The following OPLAH variants were observed in gnomAD, a reference collection of about 807,000 sequenced individuals.
The protein encoded by OPLAH is 5-oxoprolinase.
A neutral mutation model predicts 122.8 loss-of-function variants in OPLAH; 103 were observed. The observed-to-expected ratio is 0.84, with a 90% CI of 0.71 to 0.99. The LOEUF is 0.99. Among genes scored for constraint, OPLAH ranks in the 50% least tolerant of loss-of-function variants. The pLI is 0.00. For synonymous variants in OPLAH, 875 were observed against 796.0 expected, an observed-to-expected ratio of 1.10 and a Z score of -1.67; for missense variants, 1,902 against 1,836.5, an observed-to-expected ratio of 1.04 and a Z score of -0.65.
chr8:144,051,892 C>T (rs1554757741), intron 25 of OPLAH, 24 bp downstream of exon 25: 2 of 1,528,260 alleles, frequency 1.3e-6, no homozygotes, highest in Non-Finnish European at 1.7e-6. Context: ...CGGGGAGGGC[C>T]GCGAGGGCTG....
chr8:144,051,025 G>T, downstream of OPLAH: 1 of 1,212,550 alleles, frequency 8.2e-7, no homozygotes, highest in Non-Finnish European at 1.0e-6. Flanking sequence ...TGGAGAGGTC[G>T]GCGCCTGGAC....
chr8:144,054,329 T>C (rs1835456164), intron 19 of OPLAH, among the ~76,000 whole-genome samples: 1 of 152,062 alleles, frequency 6.6e-6, no homozygotes, highest in South Asian at 2.1e-4. Context: ...CTTGGCTAAC[T>C]CTCCACCCGC....
In OPLAH at chr8:144,052,329, G is replaced by C. The variant is rs367840187; in HGVS notation, c.3304-3C>G. Reference sequence around the variant, plus strand: ...AGGGTCACGTTGTTCATGCAGCCCTGGTGAGGGCACCTGGTCGCTGCGCTG... The same window carrying C: ...AGGGTCACGTTGTTCATGCAGCCCTCGTGAGGGCACCTGGTCGCTGCGCTG... On this transcript the variant is annotated splice_polypyrimidine_tract_variant and splice_region_variant and intron_variant, in intron 23 of 26. Coordinates refer to ENST00000618853, the MANE Select transcript of OPLAH (RefSeq NM_017570.5). 1 of 1,519,122 alleles carries C rather than the reference G, an allele frequency of 6.6e-7. No individual in the cohort carries two copies. Among genetic ancestry groups the C allele is most frequent in the South Asian group, 1.2e-5 (1 of 82,272 alleles). The allele number at this position is 1,519,122 out of a possible 1,614,324, so 94.1% of individuals were successfully genotyped here.
intron 19 of OPLAH, among the ~76,000 whole-genome samples, 187 bp from the exon 20 acceptor site, chr8:144,053,580 G>A (rs1835441622): frequency 6.6e-6 from 1 of 152,100 alleles, no homozygotes; most frequent in Admixed American, 6.5e-5. Context: ...GCAGCCACAA[G>A]GCCCTCTGCA....
Position 144,052,414 on chromosome 8 carries a change from T to A in OPLAH, c.3303+35A>T, listed in dbSNP as rs1422863456. ...CTCCTACTCCAGCCTGCCCACCCAG[T>A]CCGCCCCCGAGCTGCGCCCACCCCG... On this transcript the variant is annotated intron_variant, in intron 23 of 26. Transcript: ENST00000618853. 4.6e-6 allele frequency: 7 copies of A among 1,527,878 alleles called. No individual in the cohort carries two copies. The African/African-American group carries it at 9.7e-5, about 21-fold the overall frequency. 94.6% of individuals were successfully genotyped at this position (1,527,878 alleles called of 1,614,324 possible). A position where few individuals can be genotyped will look rare whatever the true frequency, so the allele number is the denominator to read the frequency against.
intron 10 of OPLAH, 38 bp from the exon 11 acceptor site, chr8:144,057,358 T>TA: frequency 6.3e-7 from 1 of 1,588,840 alleles, no homozygotes; most frequent in Non-Finnish European, 8.6e-7. Flanking sequence ...TCTCCTACTC[T>TA]ACCCCATCCA....
At chr8:144,057,735 G>A (rs782675368) in intron 9 of OPLAH, 22 bp from the exon 10 acceptor site, 2 of 1,610,488 alleles carry the variant, frequency 1.2e-6, no homozygotes, top group Non-Finnish European at 1.7e-6. Flanking sequence ...ACAGGGTGTG[G>A]GGCTTGGGGG....
Position 144,056,275 on chromosome 8 carries a change from G to A in OPLAH, c.1984-16C>T. ...ACTGGGTCATCTGCAGAGGGTGCGG[G>A]TGAGTACAGCGCCCGGGCCCAGCAC... is the stretch of plus-strand genomic sequence containing the variant. On this transcript the variant is annotated splice_polypyrimidine_tract_variant and intron_variant, in intron 14 of 26. Transcript: ENST00000618853. 6.2e-7 allele frequency: 1 copy of A among 1,607,060 alleles called. No individual in the cohort carries two copies. Among genetic ancestry groups the A allele is most frequent in the Non-Finnish European group, 8.5e-7 (1 of 1,175,202 alleles).
rs781996183 is a variant in OPLAH at position 144,051,277 on chromosome 8, G to C, written c.*49C>G. The C allele has an allele frequency of 2.7e-5, 43 of 1,605,150 alleles. No homozygotes were observed. Among genetic ancestry groups the C allele is most frequent in the Non-Finnish European group, 3.4e-5 (40 of 1,177,190 alleles). ...CTCGGAGCACGAACTAGGCGCCGTA[G>C]CTGCGTCCCCAGAACCGGGAGACTT... On this transcript the variant is annotated 3_prime_UTR_variant, in exon 27 of 27. Coordinates refer to ENST00000618853, the MANE Select transcript of OPLAH (RefSeq NM_017570.5).
downstream of OPLAH, chr8:144,050,603 G>A: frequency 1.0e-6 from 1 of 985,650 alleles, no homozygotes; most frequent in Non-Finnish European, 1.2e-6. Context: ...GGCTGGGCAC[G>A]CGCCAAAAGC....
intron 3 of OPLAH, 31 bp downstream of exon 3, chr8:144,059,568 C>G: frequency 1.3e-6 from 2 of 1,578,168 alleles, no homozygotes; most frequent in Non-Finnish European, 1.7e-6. Context: ...GTACACCACA[C>G]AGCCTGGTCC....
chr8:144,052,786 G>T lies in OPLAH; in HGVS notation c.3133C>A (p.Arg1045Ser). 1 of 1,565,284 alleles carries T rather than the reference G, an allele frequency of 6.4e-7. No homozygotes were observed. The highest frequency in any genetic ancestry group is 8.6e-7 in the Non-Finnish European group (1 of 1,156,204). Reference sequence around the variant, plus strand: ...CGAACCTGGTTGAGTGGGATGTCGCGGCCCACCAGACAGCGCAGGCAGTAG... The same window carrying T: ...CGAACCTGGTTGAGTGGGATGTCGCTGCCCACCAGACAGCGCAGGCAGTAG... ...LIYCLRCLVGRDIPLNQGCLA... is the reference protein window; with the variant it reads ...LIYCLRCLVGSDIPLNQGCLA... The change falls in exon 22 of 27, where the codon CGC becomes AGC. Residue 1045 changes from arginine to serine, a missense_variant. Around this residue, in one of 3 missense-constraint regions of OPLAH, gnomAD observed 1,726 missense variants for 1,642.1 expected, o/e 1.05. Transcript: ENST00000618853.
intron 26 of OPLAH, 122 bp downstream of exon 26, chr8:144,051,607 C>T: frequency 8.5e-7 from 1 of 1,173,130 alleles, no homozygotes; most frequent in African/African-American, 1.6e-5. Context: ...GTACGCGCCC[C>T]CTTTCCTTCC....
rs782033745 is a variant in OPLAH at position 144,058,779 on chromosome 8, G to A, written c.581C>T (p.Ser194Leu). The A allele has an allele frequency of 1.1e-5, 17 of 1,601,326 alleles. No individual in the cohort carries two copies. Among genetic ancestry groups the A allele is most frequent in the South Asian group, 1.1e-5 (1 of 89,938 alleles). ...IRSLAVVLMH[S>L]YTWAQHEQQV... The stretch of plus-strand genomic sequence containing the variant: ...ACAGCCCCACCTCACTCACGTGTAC[G>A]AGTGCATGAGCACCACAGCCAGGCT... Residue 194 changes from serine to leucine, a missense_variant, in exon 5 of 27, where the codon TCG (serine) becomes TTG (leucine). Transcript: ENST00000618853.
In OPLAH at chr8:144,051,703, GGGACA is replaced by G. The variant is rs782564779; in HGVS notation, c.3720+21_3720+25del. On this transcript the variant is annotated intron_variant, in intron 26 of 26. Transcript: ENST00000618853. ...GGCCGGGAGGGGAGGGGAGGGGAGG[GGGACA>G]GGACAGGCCGCGGCCCTTACCCCGG... 6.5e-6 allele frequency: 10 copies of G among 1,545,010 alleles called. No individual in the cohort carries two copies. The East Asian group carries it at 2.1e-4, about 32-fold the overall frequency.
chr8:144,055,330 G>T lies in OPLAH; in HGVS notation c.2249-141C>A. On this transcript the variant is annotated intron_variant, in intron 16 of 26. Transcript: ENST00000618853. The surrounding 1 kb of genome is among the most constrained non-coding windows in gnomAD (Gnocchi z 6.5). ...GCTTTTTCCTGGGGAAGACCAAGTTGACGGTGTGCCCACTTGGCCACGTCT... is the reference window on the plus strand; with the variant it reads ...GCTTTTTCCTGGGGAAGACCAAGTTTACGGTGTGCCCACTTGGCCACGTCT... The T allele has an allele frequency of 2.3e-6, 2 of 870,908 alleles. No homozygotes were observed. The highest frequency in any genetic ancestry group is 2.4e-5 in the South Asian group (1 of 41,112). 53.9% of individuals were successfully genotyped at this position (870,908 alleles called of 1,614,324 possible).
Position 144,060,124 on chromosome 8 carries a change from T to C in OPLAH, c.-53-39A>G, listed in dbSNP as rs1399258224. 10 of 1,410,888 alleles carry C rather than the reference T, an allele frequency of 7.1e-6. No homozygotes were observed. The Admixed American group carries it at 1.6e-4, about 22-fold the overall frequency. 87.4% of individuals were successfully genotyped at this position (1,410,888 alleles called of 1,614,324 possible). A position where few individuals can be genotyped will look rare whatever the true frequency, so the allele number is the denominator to read the frequency against. ...GGGTCAGCCCGGGCTCACCTGCGAG[T>C]GGGACTAGAGGCTCCCCAGCCCTGC... On this transcript the variant is annotated intron_variant, in intron 1 of 26. Coordinates refer to ENST00000618853, the MANE Select transcript of OPLAH (RefSeq NM_017570.5).
intron 3 of OPLAH, 97 bp from the exon 4 acceptor site, chr8:144,059,176 C>G: frequency 9.7e-7 from 1 of 1,027,116 alleles, no homozygotes; most frequent in Non-Finnish European, 1.4e-6. Flanking sequence ...TGTGTCCCAA[C>G]AGGCCGGTCG....
At chr8:144,057,745 G>C (rs2129818621) in intron 9 of OPLAH, 32 bp from the exon 10 acceptor site, 2 of 1,610,306 alleles carry the variant, frequency 1.2e-6, no homozygotes, top group East Asian at 4.5e-5. Flanking sequence ...GGGCTTGGGG[G>C]CTGGAGGCAG....
Sources: allele counts gnomAD v4.1 joint callset (sites outside exome capture counted in the v4.1 genomes callset), GRCh38; gene constraint gnomAD v4.1.1; regional missense constraint gnomAD v4.1.1; non-coding constraint Gnocchi (gnomAD v3.1); transcripts MANE v1.5; gene names NCBI Gene and HGNC (gene_info 2026-07-23, HGNC 2026-07-21).